The following ANKFN1 variants were observed in gnomAD, a reference collection of about 807,000 sequenced individuals.
ANKFN1 encodes the protein ankyrin repeat and fibronectin type III domain containing 1, also known as ankyrin repeat and fibronectin type-III domain-containing protein 1.
In ANKFN1, 74 loss-of-function variants were observed where a neutral mutation model predicts 108.7. The ratio of observed to expected loss-of-function variants is 0.68; its 90% CI spans 0.56 to 0.83. The LOEUF (loss-of-function observed/expected upper bound fraction) is 0.83. Among genes scored for constraint, ANKFN1 ranks in the 40% least tolerant of loss-of-function variants. The pLI is 0.00. For synonymous variants in ANKFN1, 547 were observed against 516.2 expected (o/e 1.06, Z -0.81); for missense variants, 1,505 against 1,382.3 (o/e 1.09, Z -1.41).
At chr17:56,486,926 T>C (rs1473552388) in intron 18 of ANKFN1, among the ~76,000 whole-genome samples, 1 of 152,236 alleles carries the variant, frequency 6.6e-6, no homozygotes, top group Admixed American at 6.5e-5. Flanking sequence ...TTCCTGCCAG[T>C]GGCCTAAGTG....
chr17:56,179,240 G>C, intron 1 of ANKFN1, among the ~76,000 whole-genome samples: 1 of 152,164 alleles, frequency 6.6e-6, no homozygotes, highest in East Asian at 1.9e-4. Context: ...TCTAGGCTTA[G>C]GAAAGGAGAA....
chr17:56,214,058 C>A (rs1229505432), intron 2 of ANKFN1, among the ~76,000 whole-genome samples: 1 of 152,104 alleles, frequency 6.6e-6, no homozygotes, highest in Non-Finnish European at 1.5e-5. Flanking sequence ...ACCTCAGTGG[C>A]AATTAATTTA....
intron 3 of ANKFN1, among the ~76,000 whole-genome samples, chr17:56,247,060 T>C (rs778406942): frequency 1.5e-4 from 23 of 152,240 alleles, no homozygotes; most frequent in Non-Finnish European, 5.9e-5. Context: ...CTTAAATCTG[T>C]GCTTATTACT....
intron 8 of ANKFN1, among the ~76,000 whole-genome samples, chr17:56,412,027 T>A (rs2048108237): frequency 6.6e-6 from 1 of 152,216 alleles, no homozygotes; most frequent in Non-Finnish European, 1.5e-5. Context: ...TATTCTCTCC[T>A]CTTTGATTTT....
At chr17:56,273,515 G>C (rs1408031749) in intron 3 of ANKFN1, among the ~76,000 whole-genome samples, 1 of 152,108 alleles carries the variant, frequency 6.6e-6, no homozygotes, top group African/African-American at 2.4e-5. Flanking sequence ...TTGTCAAGTA[G>C]ATTCCAGGAA....
At chr17:56,442,005 T>C (rs1429225737) in intron 9 of ANKFN1, among the ~76,000 whole-genome samples, 1 of 151,820 alleles carries the variant, frequency 6.6e-6, no homozygotes, top group African/African-American at 2.4e-5. Flanking sequence ...GAAAAAAATA[T>C]AAAAGCAAAA....
intron 8 of ANKFN1, among the ~76,000 whole-genome samples, chr17:56,436,327 A>G (rs78267469): frequency 1.3e-5 from 2 of 152,218 alleles, no homozygotes; most frequent in African/African-American, 2.4e-5. Flanking sequence ...TTCAACTGCT[A>G]TGAGCCATTG....
At chr17:56,122,467 A>G (rs1288314486) in intron 4 of ANKFN1, among the ~76,000 whole-genome samples, 1 of 152,168 alleles carries the variant, frequency 6.6e-6, no homozygotes, top group Non-Finnish European at 1.5e-5. Context: ...TCTACTCCCT[A>G]TAATGATTAG....
At chr17:56,471,812 C>T (rs1194324440) in intron 15 of ANKFN1, 1 of 152,162 alleles carries the variant, frequency 6.6e-6, no homozygotes, top group African/African-American at 2.4e-5. Flanking sequence ...TTGTATGATT[C>T]CACTTATATG....
intron 19 of ANKFN1, 118 bp downstream of exon 19, chr17:56,492,471 A>G: frequency 1.7e-6 from 1 of 588,948 alleles, no homozygotes. Flanking sequence ...ACGGTGTGTA[A>G]GTTGCCTATT....
chr17:56,371,996 C>A (rs1281014609), intron 6 of ANKFN1, among the ~76,000 whole-genome samples: 1 of 152,198 alleles, frequency 6.6e-6, no homozygotes, highest in East Asian at 1.9e-4. Flanking sequence ...AATCAAAGAT[C>A]AATTTCTGAT....
rs190357698 is a variant in ANKFN1 at position 56,326,254 on chromosome 17, G to T, written c.87G>T (p.Arg29Ser). Residue 29 changes from arginine to serine, a missense_variant, in exon 4 of 21, where the codon AGG becomes AGT. Physicochemically the swap from Arg to Ser is moderately radical, Grantham distance 110 (BLOSUM62 -1). Transcript: ENST00000682825. ...GGAGATTCGCTTGCTTTGCACAGAGGCTGAGCCACAGGAGAAAGCAAAGCC... is the reference window on the plus strand; with the variant it reads ...GGAGATTCGCTTGCTTTGCACAGAGTCTGAGCCACAGGAGAAAGCAAAGCC... ...IGRRFACFAQ[R>S]LSHRRKQSQC... The T allele has an allele frequency of 4.3e-6, 7 of 1,613,676 alleles. No homozygotes were observed. Among genetic ancestry groups the T allele is most frequent in the African/African-American group, 1.3e-5 (1 of 74,896 alleles).
chr17:56,137,505 G>C (rs1436432778), intron 4 of ANKFN1, among the ~76,000 whole-genome samples: 1 of 152,124 alleles, frequency 6.6e-6, no homozygotes, highest in Non-Finnish European at 1.5e-5. Context: ...CTTGTGGCTA[G>C]TCCTGCTTAC....
rs114096799 is a variant in ANKFN1 at position 56,094,032 on chromosome 17, C to T, written c.288+47707C>T. Among the ~76,000 whole-genome samples, 37 of 151,496 alleles carry T rather than the reference C, an allele frequency of 2.4e-4. 2 individuals are homozygous for T. Among genetic ancestry groups the T allele is most frequent in the African/African-American group, 8.7e-4 (36 of 41,336 alleles). On this transcript the variant is annotated intron_variant, in intron 4 of 12. Transcript: ENST00000635860. Reference sequence around the variant, plus strand: ...ATTTGGACAGGTACAGAGGAAGAATCTGTGAACTCACACAGGGAGTACACC... The same window carrying T: ...ATTTGGACAGGTACAGAGGAAGAATTTGTGAACTCACACAGGGAGTACACC...
chr17:56,327,389 C>T (rs1481205180), intron 4 of ANKFN1, among the ~76,000 whole-genome samples: 1 of 152,128 alleles, frequency 6.6e-6, no homozygotes. Flanking sequence ...TTGGTGCACT[C>T]TATCTGCAGT....
intron 1 of ANKFN1, among the ~76,000 whole-genome samples, chr17:56,160,921 G>A (rs1909596019): frequency 1.3e-5 from 2 of 152,202 alleles, no homozygotes; most frequent in Non-Finnish European, 1.5e-5. Context: ...ATAGTGCACA[G>A]GTTCTAATGC....
intron 8 of ANKFN1, among the ~76,000 whole-genome samples, chr17:56,439,677 ATGT>A (rs2049036842): frequency 6.6e-6 from 1 of 152,140 alleles, no homozygotes; most frequent in African/African-American, 2.4e-5. Flanking sequence ...GGGGAAGAGA[ATGT>A]TTTCAGAAAA....
At chr17:56,374,243 G>C (rs751336282) in intron 7 of ANKFN1, among the ~76,000 whole-genome samples, 2 of 152,158 alleles carry the variant, frequency 1.3e-5, no homozygotes, top group Non-Finnish European at 2.9e-5. Flanking sequence ...CCAGTGAAAC[G>C]ATGTACTTTA....
chr17:56,052,289 A>G (rs1045045278), intron 4 of ANKFN1, among the ~76,000 whole-genome samples: 3 of 152,170 alleles, frequency 2.0e-5, no homozygotes, highest in Non-Finnish European at 4.4e-5. Flanking sequence ...TATTAGAAGA[A>G]GCACTGCTTT....
Sources: allele counts gnomAD v4.1 joint callset (sites outside exome capture counted in the v4.1 genomes callset), GRCh38; gene constraint gnomAD v4.1.1; transcripts MANE v1.5; gene names NCBI Gene and HGNC (gene_info 2026-07-23, HGNC 2026-07-21).